Variants in DNAH17 observed in about 807,000 individuals in gnomAD.
The protein encoded by DNAH17 is axonemal beta dynein heavy chain 17.
In DNAH17, 376 loss-of-function variants were observed where a neutral mutation model predicts 485.6. That is an observed-to-expected ratio of 0.77 (90% CI 0.71 to 0.84). The LOEUF is 0.84. Ranked by LOEUF, DNAH17 falls within the 40% of genes least tolerant of loss-of-function variation. The pLI, the probability that DNAH17 is intolerant of heterozygous loss-of-function variation, is 0.00. For synonymous variants in DNAH17, 3,031 were observed against 2,405.9 expected, an observed-to-expected ratio of 1.26 and a Z score of -7.60; for missense variants, 6,370 against 5,839.3, an observed-to-expected ratio of 1.09 and a Z score of -2.96.
At chr17:78,429,699 T>A (rs1302888249) in intron 75 of DNAH17, among the ~76,000 whole-genome samples, 1 of 152,184 alleles carries the variant, frequency 6.6e-6, no homozygotes, top group Non-Finnish European at 1.5e-5. Flanking sequence ...TGTGTTACCA[T>A]CTGAGACTCT....
At chr17:78,519,365 A>G (rs2090877001) in intron 25 of DNAH17, among the ~76,000 whole-genome samples, 1 of 152,170 alleles carries the variant, frequency 6.6e-6, no homozygotes, top group Non-Finnish European at 1.5e-5. Flanking sequence ...AAGGTCTCAA[A>G]TCAATAATCC....
intron 24 of DNAH17, 54 bp downstream of exon 24, chr17:78,526,597 A>C (rs752929299): frequency 7.0e-7 from 1 of 1,437,760 alleles, no homozygotes; most frequent in South Asian, 1.3e-5. Flanking sequence ...TTGAGAAAAG[A>C]AAGCAGTGGG....
At chr17:78,510,059 G>T (rs942125635) in intron 27 of DNAH17, among the ~76,000 whole-genome samples, 1 of 152,198 alleles carries the variant, frequency 6.6e-6, no homozygotes, top group Non-Finnish European at 1.5e-5. Flanking sequence ...GTGCACACCT[G>T]TAATCCCAGC....
intron 6 of DNAH17, among the ~76,000 whole-genome samples, 184 bp from the exon 7 acceptor site, chr17:78,570,556 T>A (rs982291757): frequency 6.6e-6 from 1 of 151,956 alleles, no homozygotes; most frequent in East Asian, 1.9e-4. Context: ...CGGCCCCACA[T>A]GCCTTGAAGA....
At chr17:78,444,579 G>A in intron 71 of DNAH17, 25 bp downstream of exon 71, 1 of 1,529,716 alleles carries the variant, frequency 6.5e-7, no homozygotes, top group South Asian at 1.2e-5. Context: ...CGGGGGCGGG[G>A]CCCCCGGCGC....
Position 78,426,957 on chromosome 17 carries a change from C to G in DNAH17, c.12740G>C (p.Arg4247Pro). Residue 4247 changes from arginine to proline, a missense_variant, in exon 78 of 81, where the codon CGT becomes CCT. By Grantham distance (103) the Arg-to-Pro change is moderately radical. Transcript: ENST00000389840. ...CCCCAGGTTCAGCTCCTTGAGCGAA[C>G]GGCGCATTTCGTTGGTCAGGATGTT... ...RMNILTNEMR[R>P]SLKELNLGLK... 1 of 1,609,710 alleles carries G rather than the reference C, an allele frequency of 6.2e-7. No individual in the cohort carries two copies. The highest frequency in any genetic ancestry group is 1.1e-5 in the South Asian group (1 of 90,112).
rs763335427 is a variant in DNAH17, at chr17:78,462,888, T to C, written c.9130A>G (p.Arg3044Gly). 6.2e-7 allele frequency: 1 copy of C among 1,613,952 alleles called. No individual in the cohort carries two copies. Among genetic ancestry groups the C allele is most frequent in the Admixed American group, 1.7e-5 (1 of 60,024 alleles). Residue 3044 changes from arginine (R) to glycine (G), a missense_variant, in exon 57 of 81, where the codon AGG becomes GGG. By Grantham distance (125) the Arg-to-Gly change is moderately radical (BLOSUM62 -2). Coordinates refer to ENST00000389840, the MANE Select transcript of DNAH17 (RefSeq NM_173628.4). ...KRTELVAKIERLENGLMKLQS... is the reference protein window; with the variant it reads ...KRTELVAKIEGLENGLMKLQS... ...AGCTTCATCAGGCCGTTCTCCAGCC[T>C]CTCGATTTTGGCAACAAGTTCCGTT...
intron 11 of DNAH17, among the ~76,000 whole-genome samples, chr17:78,563,485 A>C (rs1029764537): frequency 1.4e-5 from 2 of 143,066 alleles, no homozygotes; most frequent in African/African-American, 2.6e-5. Flanking sequence ...AAATAGAAAA[A>C]AACCCCAAAA....
At chr17:78,460,906 G>A (rs2146532565) in intron 58 of DNAH17, among the ~76,000 whole-genome samples, 1 of 152,214 alleles carries the variant, frequency 6.6e-6, no homozygotes, top group East Asian at 1.9e-4. Context: ...GGAGACAGTG[G>A]GCCATGACTG....
At chr17:78,525,304 C>T (rs2091038560) in intron 24 of DNAH17, 143 bp from the exon 25 acceptor site, 1 of 1,282,844 alleles carries the variant, frequency 7.8e-7, no homozygotes, top group African/African-American at 1.5e-5. Flanking sequence ...GGTGTCCCAC[C>T]TGGAGGGAGG....
In DNAH17 at chr17:78,454,721, C is replaced by A. The variant is rs764614609; in HGVS notation, c.10171-16G>T. ...GGATGGGGACCTGCCCAGGGAGGCA[C>A]ACTTTCTTAGAGGGGGTAATGCGAC... On this transcript the variant is annotated splice_polypyrimidine_tract_variant and intron_variant, in intron 63 of 80. Transcript: ENST00000389840. 4.8e-5 allele frequency: 77 copies of A among 1,604,050 alleles called. No homozygotes were observed. In the Middle Eastern group the frequency reaches 2.0e-3, roughly 41 times the overall value.
chr17:78,543,796 A>C, intron 17 of DNAH17, 61 bp downstream of exon 17: 1 of 1,609,192 alleles, frequency 6.2e-7, no homozygotes, highest in Non-Finnish European at 8.5e-7. Flanking sequence ...CCCTGGGTTT[A>C]CTCTCTCCTC....
chr17:78,572,886 A>C lies in DNAH17; in HGVS notation c.354T>G (p.Ser118=). The C allele has an allele frequency of 1.2e-6, 2 of 1,613,598 alleles. No individual in the cohort carries two copies. The highest frequency in any genetic ancestry group is 1.7e-6 in the Non-Finnish European group (2 of 1,179,730). ...QLIAVVEEVL[S]SLLNQSENMA... is the part of the protein sequence containing the mutation. ...TGTTCTCACTTTGGTTTAACAGAGA[A>C]GAGAGGACCTAAAAGGAAACACTTC... The change falls in exon 3 of 81, where the codon TCT becomes TCG. Residue 118 remains serine (S), a synonymous_variant. Transcript: ENST00000389840.
intron 25 of DNAH17, among the ~76,000 whole-genome samples, chr17:78,516,009 T>G (rs2090769323): frequency 6.6e-6 from 1 of 152,186 alleles, no homozygotes; most frequent in Admixed American, 6.5e-5. Context: ...AAACTGCTAG[T>G]CATTGAGGGA....
rs759286538 is a variant in DNAH17, at chr17:78,462,874, G to A, written c.9144C>T (p.Gly3048=). ...LVAKIERLEN[G]LMKLQSTASQ... ...AAGCCGTGCTCTGCAGCTTCATCAG[G>A]CCGTTCTCCAGCCTCTCGATTTTGG... Residue 3048 remains glycine (G), a synonymous_variant, in exon 57 of 81, where the codon GGC becomes GGT. Coordinates refer to ENST00000389840, the MANE Select transcript of DNAH17 (RefSeq NM_173628.4). 6 of 1,613,948 alleles carry A rather than the reference G, an allele frequency of 3.7e-6. No homozygotes were observed. The highest frequency in any genetic ancestry group is 5.1e-6 in the Non-Finnish European group (6 of 1,179,874).
intron 32 of DNAH17, 38 bp from the exon 33 acceptor site, chr17:78,502,736 G>A (rs758468150): frequency 1.3e-5 from 20 of 1,599,988 alleles, no homozygotes; most frequent in African/African-American, 2.7e-5. Context: ...CGCAGTGAGC[G>A]ATCGCTGGCG....
At chr17:78,494,933 C>T (rs768979973) in intron 39 of DNAH17, 26 bp downstream of exon 39, 28 of 1,598,850 alleles carry the variant, frequency 1.8e-5, no homozygotes, top group Admixed American at 5.0e-5. Flanking sequence ...CACCCACACC[C>T]GCCGTGAGCT....
rs1242936288 is a variant in DNAH17, at chr17:78,486,292, C to G, written c.7033G>C (p.Glu2345Gln). Reference sequence around the variant, plus strand: ...AACACGAAGTACAGCTCGTACAGCTCCCTGGGGGAGTCGGGGGGCACGGTC... The same window carrying G: ...AACACGAAGTACAGCTCGTACAGCTGCCTGGGGGAGTCGGGGGGCACGGTC... ...EKTVPPDSPR[E>Q]LYELYFVFTC... is the part of the protein sequence containing the mutation. Residue 2345 changes from glutamate (E) to glutamine (Q), a missense_variant, in exon 45 of 81, where the codon GAG becomes CAG. Transcript: ENST00000389840. 2.5e-6 allele frequency: 4 copies of G among 1,612,166 alleles called. No individual in the cohort carries two copies. In the African/African-American group the frequency reaches 5.3e-5, roughly 22 times the overall value.
In DNAH17 at chr17:78,486,128, C is replaced by T. The variant is rs2089595572; in HGVS notation, c.7107G>A (p.Val2369=). The T allele has an allele frequency of 3.1e-6, 5 of 1,613,038 alleles. No homozygotes were observed. The African/African-American group carries it at 6.7e-5, about 22-fold the overall frequency. ...ATTTACTGAACTCCACTCGATAATCCACAAGCTGTTGAGACACAGAAGTAA... is the reference window on the plus strand; with the variant it reads ...ATTTACTGAACTCCACTCGATAATCTACAAGCTGTTGAGACACAGAAGTAA... ...FGGAMFQDQL[V]DYRVEFSKWW... is the part of the protein sequence containing the mutation. The change falls in exon 46 of 81, where the codon GTG becomes GTA. Residue 2369 remains valine (V), a synonymous_variant. Coordinates refer to ENST00000389840, the MANE Select transcript of DNAH17 (RefSeq NM_173628.4).
Sources: gnomAD v4.1 joint callset for allele counts (sites outside exome capture counted in the v4.1 genomes callset) on GRCh38, gnomAD v4.1.1 for gene constraint, MANE v1.5 for transcripts, NCBI Gene and HGNC (gene_info 2026-07-23, HGNC 2026-07-21) for gene names.